Variants in NAV3 observed in about 807,000 individuals in gnomAD.
The protein encoded by NAV3 is neuron navigator 3, also known as pore membrane and/or filament interacting like protein 1.
In NAV3, 87 loss-of-function variants were observed where a neutral mutation model predicts 244.7. That is an observed-to-expected ratio of 0.36 (90% CI 0.30 to 0.42). The LOEUF is 0.42. Among genes scored for constraint, NAV3 ranks in the 20% least tolerant of loss-of-function variants. The pLI, the probability that NAV3 is intolerant of heterozygous loss-of-function variation, is 1.00. For missense variants in NAV3, 2,663 were observed against 2,893.3 expected (o/e 0.92, Z 1.83); for synonymous variants, 1,126 against 1,042.2 (o/e 1.08, Z -1.55).
intron 18 of NAV3, among the ~76,000 whole-genome samples, chr12:78,134,334 T>C (rs1956286633): frequency 6.6e-6 from 1 of 152,188 alleles, no homozygotes; most frequent in South Asian, 2.1e-4. Context: ...ATGACATCTC[T>C]AGCTTCTTCT....
chr12:78,021,476 G>T (rs1363784663), intron 8 of NAV3, among the ~76,000 whole-genome samples: 1 of 151,924 alleles, frequency 6.6e-6, no homozygotes, highest in African/African-American at 2.4e-5. Flanking sequence ...AAAATATTTT[G>T]CTCCCAAATT....
intron 5 of NAV3, among the ~76,000 whole-genome samples, chr12:77,973,943 A>C (rs1893228454): frequency 6.7e-6 from 1 of 150,250 alleles, no homozygotes; most frequent in African/African-American, 2.4e-5. Context: ...TACTTAAAGC[A>C]GGATTTTTTT....
intron 12 of NAV3, among the ~76,000 whole-genome samples, chr12:78,063,907 G>A (rs772483045): frequency 6.6e-6 from 1 of 152,098 alleles, no homozygotes; most frequent in Non-Finnish European, 1.5e-5. Context: ...CCATACTAGG[G>A]TGTTTGGACC....
intron 1 of NAV3, among the ~76,000 whole-genome samples, chr12:77,902,605 C>G (rs1331105639): frequency 6.6e-6 from 1 of 152,092 alleles, no homozygotes; most frequent in East Asian, 1.9e-4. Flanking sequence ...CCCTCTCTCA[C>G]CACTCCTATT....
intron 2 of NAV3, among the ~76,000 whole-genome samples, chr12:77,798,382 A>G (rs1871535335): frequency 6.6e-6 from 1 of 152,198 alleles, no homozygotes; most frequent in Non-Finnish European, 1.5e-5. Context: ...TAAATTTGCT[A>G]AGTATAATTT....
rs139123786 is a variant in NAV3, at chr12:77,978,075, A to G, written c.671+9373A>G. On this transcript the variant is annotated intron_variant, in intron 5 of 39. Transcript: ENST00000397909. ...TTTTACTTTTCTTAACTAAGTCAGAATCAGTTAAACTTGATTTTCTAGGTA... is the reference window on the plus strand; with the variant it reads ...TTTTACTTTTCTTAACTAAGTCAGAGTCAGTTAAACTTGATTTTCTAGGTA... Among the ~76,000 whole-genome samples the G allele has an allele frequency of 2.1e-3, 323 of 152,284 alleles. 1 individual carries two copies. The highest frequency in any genetic ancestry group is 7.5e-3 in the African/African-American group (312 of 41,566).
intron 2 of NAV3, among the ~76,000 whole-genome samples, chr12:77,758,692 T>C (rs1020583856): frequency 1.3e-5 from 2 of 152,242 alleles, no homozygotes; most frequent in African/African-American, 2.4e-5. Flanking sequence ...TTCTTTGTTA[T>C]AGGCAGAAAT....
chr12:78,164,600 T>C (rs444438), intron 23 of NAV3, among the ~76,000 whole-genome samples: 7,483 of 152,174 alleles, frequency 0.049, 203 homozygotes, highest in Non-Finnish European at 0.072. Flanking sequence ...TAGAATAATG[T>C]GAATCTAAAA....
intron 13 of NAV3, among the ~76,000 whole-genome samples, chr12:78,117,158 C>CTTTT (rs1555292748): frequency 1.4e-5 from 1 of 70,370 alleles, no homozygotes; most frequent in Admixed American, 2.1e-4. Flanking sequence ...ACAGAAGCAG[C>CTTTT]ATATATATAT....
intron 12 of NAV3, among the ~76,000 whole-genome samples, chr12:78,108,585 A>T (rs1298304148): frequency 6.6e-6 from 1 of 152,182 alleles, no homozygotes; most frequent in Non-Finnish European, 1.5e-5. Context: ...CAATTTTTTA[A>T]AAGTTGAAAT....
intron 1 of NAV3, among the ~76,000 whole-genome samples, chr12:77,916,635 C>T (rs2137113090): frequency 6.6e-6 from 1 of 152,108 alleles, no homozygotes; most frequent in Middle Eastern, 3.4e-3. Context: ...TGGAATTCTA[C>T]ATACAATACT....
At chr12:78,186,063 T>C (rs918681819) in intron 31 of NAV3, among the ~76,000 whole-genome samples, 5 of 151,876 alleles carry the variant, frequency 3.3e-5, no homozygotes, top group African/African-American at 1.2e-4. Context: ...CAATATGGTC[T>C]TTATACAAAG....
intron 1 of NAV3, among the ~76,000 whole-genome samples, chr12:77,871,787 C>T (rs1160610515): frequency 1.3e-5 from 2 of 152,072 alleles, no homozygotes; most frequent in Non-Finnish European, 2.9e-5. Context: ...ATTGATAATC[C>T]ATTGGGTACG....
At chr12:77,871,145 A>C (rs1880890146) in intron 1 of NAV3, among the ~76,000 whole-genome samples, 1 of 152,202 alleles carries the variant, frequency 6.6e-6, no homozygotes, top group Non-Finnish European at 1.5e-5. Context: ...GCTTATACTT[A>C]ATTTAAGAAA....
At chr12:78,008,573 G>T (rs1874652437) in intron 8 of NAV3, among the ~76,000 whole-genome samples, 1 of 151,710 alleles carries the variant, frequency 6.6e-6, no homozygotes, top group Admixed American at 6.6e-5. Flanking sequence ...AATTAAGAAA[G>T]GGTCAAAACT....
chr12:78,108,575 C>A (rs1347994126), intron 12 of NAV3, among the ~76,000 whole-genome samples: 1 of 152,098 alleles, frequency 6.6e-6, no homozygotes, highest in East Asian at 1.9e-4. Flanking sequence ...CATGTCTCAG[C>A]AATTTTTTAA....
At chr12:77,773,231 G>T (rs200405257) in intron 2 of NAV3, among the ~76,000 whole-genome samples, 3 of 149,386 alleles carry the variant, frequency 2.0e-5, no homozygotes, top group Admixed American at 6.7e-5. Flanking sequence ...TAAAAGCATT[G>T]TTTTTTTTTT....
At chr12:78,127,023 A>G in intron 16 of NAV3, 144 bp from the exon 17 acceptor site, 1 of 629,460 alleles carries the variant, frequency 1.6e-6, no homozygotes, top group Non-Finnish European at 2.7e-6. Context: ...TGTCACCTTT[A>G]GTTGGCCTTT....
intron 2 of NAV3, among the ~76,000 whole-genome samples, chr12:77,597,503 T>C (rs1870225731): frequency 6.6e-6 from 1 of 152,086 alleles, no homozygotes; most frequent in South Asian, 2.1e-4. Flanking sequence ...TTGAATAAGA[T>C]TTTTGCTAGC....
Sources: allele counts gnomAD v4.1 joint callset (sites outside exome capture counted in the v4.1 genomes callset), GRCh38; gene constraint gnomAD v4.1.1; transcripts MANE v1.5; gene names NCBI Gene and HGNC (gene_info 2026-07-23, HGNC 2026-07-21).